Variants in NME9 observed in about 807,000 individuals in gnomAD.
NME9 encodes the protein NME/NM23 family member 9.
In NME9, 48 loss-of-function variants were observed where a neutral mutation model predicts 44.4. The ratio of observed to expected loss-of-function variants is 1.08; its 90% CI spans 0.86 to 1.37. The LOEUF is 1.37. Ranked by LOEUF, NME9 falls within the 40% of genes most tolerant of loss-of-function variation. The pLI, the probability that NME9 is intolerant of heterozygous loss-of-function variation, is 0.00. For missense variants in NME9, 325 were observed against 405.2 expected, an observed-to-expected ratio of 0.80 and a Z score of 1.70; for synonymous variants, 139 against 147.1, an observed-to-expected ratio of 0.94 and a Z score of 0.40.
Position 138,279,400 on chromosome 3 carries a change from T to G in NME9, c.746-16814A>C, listed in dbSNP as rs114374183. Among the ~76,000 whole-genome samples, 665 of 152,320 alleles carry G rather than the reference T, an allele frequency of 4.4e-3. 6 individuals carry two copies. Among genetic ancestry groups the G allele is most frequent in the African/African-American group, 0.015 (624 of 41,564 alleles). On this transcript the variant is annotated intron_variant, in intron 8 of 8. Coordinates refer to the NME9 transcript ENST00000317876. ...CTAACATATTTGAGGTAAACCTAAT[T>G]TAGTCATTATGTATTATCCTTTAGA...
rs773884637 is a variant in NME9, at chr3:138,319,618, G to A, written c.92-37C>T. ...CAAGAAGCAGGAACATTCAGTAGAC[G>A]CCAGTGCCCACCACACCATGCATAA... On this transcript the variant is annotated intron_variant, in intron 2 of 10. Coordinates refer to ENST00000333911, the MANE Select transcript of NME9 (RefSeq NM_001349018.2). 1.8e-5 allele frequency: 20 copies of A among 1,089,994 alleles called. No homozygotes were observed. The Admixed American group carries it at 2.4e-4, about 13-fold the overall frequency. The allele number at this position is 1,089,994 out of a possible 1,614,324, so 67.5% of individuals were successfully genotyped here. A position where few individuals can be genotyped will look rare whatever the true frequency, so the allele number is the denominator to read the frequency against.
intron 8 of NME9, among the ~76,000 whole-genome samples, chr3:138,290,138 A>G (rs2108383906): frequency 1.3e-5 from 2 of 152,298 alleles, no homozygotes; most frequent in African/African-American, 4.8e-5. Context: ...AGAAGACAAT[A>G]GAAAGGGGAA....
chr3:138,270,199 A>G, intron 8 of NME9: 2 of 1,191,352 alleles, frequency 1.7e-6, no homozygotes, highest in South Asian at 1.4e-5. Flanking sequence ...AGTTAGAACT[A>G]TAATGTGTTA....
At chr3:138,262,597 T>TAAA in intron 8 of NME9, 25 of 1,380,604 alleles carry the variant, frequency 1.8e-5, no homozygotes, top group South Asian at 1.0e-4. Context: ...CTGAGGAGAT[T>TAAA]AAAAAAAAAA....
chr3:138,322,424 C>T (rs146343739), intron 2 of NME9, among the ~76,000 whole-genome samples: 58 of 151,130 alleles, frequency 3.8e-4, no homozygotes, highest in South Asian at 1.9e-3. Context: ...GATTTGACTC[C>T]GAGTGAGAGG....
chr3:138,280,018 C>T (rs1359132605), intron 8 of NME9, among the ~76,000 whole-genome samples: 1 of 151,960 alleles, frequency 6.6e-6, no homozygotes, highest in Non-Finnish European at 1.5e-5. Context: ...TTTCTCCTGC[C>T]TCCACCTCCC....
chr3:138,310,999 A>C (rs1290303910), intron 6 of NME9, among the ~76,000 whole-genome samples: 2 of 152,164 alleles, frequency 1.3e-5, no homozygotes, highest in South Asian at 2.1e-4. Flanking sequence ...AAAATCAACG[A>C]AACTTTAGCT....
intron 6 of NME9, among the ~76,000 whole-genome samples, chr3:138,312,687 T>C (rs1470680372): frequency 6.6e-6 from 1 of 152,198 alleles, no homozygotes; most frequent in Non-Finnish European, 1.5e-5. Flanking sequence ...TCCAGGATAT[T>C]GGTCTGAACA....
At chr3:138,297,241 TC>T (rs2051565865), downstream of NME9, 1 of 152,202 alleles carries the variant, frequency 6.6e-6, no homozygotes, top group Non-Finnish European at 1.5e-5. Flanking sequence ...GAAGATGACT[TC>T]TTTTTACAGC....
At chr3:138,294,555 T>C (rs970952364) in intron 8 of NME9, among the ~76,000 whole-genome samples, 3 of 152,230 alleles carry the variant, frequency 2.0e-5, no homozygotes, top group African/African-American at 7.2e-5. Flanking sequence ...GAATACACCT[T>C]AGTATACCAC....
At chr3:138,277,124 C>T (rs977654724) in intron 8 of NME9, among the ~76,000 whole-genome samples, 1 of 152,106 alleles carries the variant, frequency 6.6e-6, no homozygotes, top group Non-Finnish European at 1.5e-5. Flanking sequence ...AATAGACCCA[C>T]ACATATATGG....
At chr3:138,304,732 T>C (rs2052105408) in intron 9 of NME9, 141 bp downstream of exon 9, 3 of 827,648 alleles carry the variant, frequency 3.6e-6, no homozygotes, top group Non-Finnish European at 5.8e-6. Context: ...TGTCAGGGTC[T>C]CCCCAAATAT....
At chr3:138,291,109 C>T (rs748561354) in intron 8 of NME9, among the ~76,000 whole-genome samples, 1 of 152,246 alleles carries the variant, frequency 6.6e-6, no homozygotes, top group Non-Finnish European at 1.5e-5. Flanking sequence ...GAGTTATAAT[C>T]AGATACTCAG....
chr3:138,277,471 A>G (rs1319960193), intron 8 of NME9, among the ~76,000 whole-genome samples: 1 of 152,354 alleles, frequency 6.6e-6, no homozygotes, highest in Non-Finnish European at 1.5e-5. Flanking sequence ...CAAGCCATCC[A>G]CCGGAAGGAA....
At chr3:138,304,279 T>A (rs898480045) in intron 9 of NME9, among the ~76,000 whole-genome samples, 4 of 152,208 alleles carry the variant, frequency 2.6e-5, no homozygotes, top group Non-Finnish European at 5.9e-5. Context: ...CAACTGCAGT[T>A]CCTTGGCTTC....
chr3:138,277,473 C>T (rs530329485), intron 8 of NME9, among the ~76,000 whole-genome samples: 15 of 152,260 alleles, frequency 9.9e-5, no homozygotes, highest in South Asian at 4.1e-4. Flanking sequence ...AGCCATCCAC[C>T]GGAAGGAATA....
chr3:138,272,174 C>G (rs928270630), intron 8 of NME9, among the ~76,000 whole-genome samples: 1 of 152,160 alleles, frequency 6.6e-6, no homozygotes, highest in Admixed American at 6.5e-5. Flanking sequence ...CTGTGTGATA[C>G]AGCCCAGCCA....
At chr3:138,319,627 C>A (rs537095111) in intron 2 of NME9, 46 bp from the exon 3 acceptor site, 1 of 965,660 alleles carries the variant, frequency 1.0e-6, no homozygotes, top group South Asian at 1.3e-5. Flanking sequence ...CGCCAGTGCC[C>A]ACCACACCAT....
At chr3:138,289,461 C>T (rs553246096) in intron 8 of NME9, among the ~76,000 whole-genome samples, 5 of 152,208 alleles carry the variant, frequency 3.3e-5, no homozygotes, top group South Asian at 2.1e-4. Context: ...ATGAGCCTTT[C>T]GTTTTGAGCA....
Sources: gnomAD v4.1 joint callset for allele counts (sites outside exome capture counted in the v4.1 genomes callset) on GRCh38, gnomAD v4.1.1 for gene constraint, MANE v1.5 for transcripts, NCBI Gene and HGNC (gene_info 2026-07-23, HGNC 2026-07-21) for gene names.